The following KCNQ1 variants were observed in gnomAD, a reference collection of about 807,000 sequenced individuals.
KCNQ1 encodes the protein potassium voltage-gated channel subfamily KQT member 1.
A neutral mutation model predicts 72.4 loss-of-function variants in KCNQ1; 49 were observed. The observed-to-expected ratio is 0.68, with a 90% CI of 0.54 to 0.86. The LOEUF is 0.86. KCNQ1 is among the 40% of genes least tolerant of loss of function. The pLI is 0.00. For synonymous variants in KCNQ1, 450 were observed against 412.6 expected, an observed-to-expected ratio of 1.09 and a Z score of -1.10; for missense variants, 790 against 945.1, an observed-to-expected ratio of 0.84 and a Z score of 2.15.
At chr11:2,469,362 C>T (rs990070801) in intron 1 of KCNQ1, among the ~76,000 whole-genome samples, 1 of 152,016 alleles carries the variant, frequency 6.6e-6, no homozygotes, top group African/African-American at 2.4e-5. Flanking sequence ...CAACCTCTGC[C>T]TCCCGGGTTC....
In KCNQ1 at chr11:2,537,401, A is replaced by G. The variant is rs2133670049; in HGVS notation, c.477+9383A>G. On this transcript the variant is annotated intron_variant, in intron 2 of 15. Transcript: ENST00000155840. The surrounding 1 kb of genome is among the most constrained non-coding windows in gnomAD (Gnocchi z 5.2). ...GAAAGAGCAGTTGCTAGGGGCATTT[A>G]AACTTGCAGTCGAATTAGTAACAAT... 6.6e-6 allele frequency among the ~76,000 whole-genome samples: 1 copy of G among 152,270 alleles called. No homozygotes were observed. Among genetic ancestry groups the G allele is most frequent in the Non-Finnish European group, 1.5e-5 (1 of 68,030 alleles).
chr11:2,611,259 GC>G lies in KCNQ1; in HGVS notation c.1393+22408del. ...TTTTGGGATGGAGTCTCACTCTGTT[GC>G]CCAGGCTGGAGTGCAGTGGCGTGAC... On this transcript the variant is annotated intron_variant, in intron 10 of 15. Transcript: ENST00000155840. The surrounding 1 kb of genome is among the most constrained non-coding windows in gnomAD (Gnocchi z 5.3). The G allele has an allele frequency of 7.5e-6, 3 of 397,436 alleles. No individual in the cohort carries two copies. The highest frequency in any genetic ancestry group is 1.3e-5 in the Non-Finnish European group (3 of 225,868). 24.6% of individuals were successfully genotyped at this position (397,436 alleles called of 1,614,324 possible).
rs151216 is a variant in KCNQ1, at chr11:2,659,585, C to T, written c.1394-2376C>T. 0.11 allele frequency: 42,873 copies of T among 398,282 alleles called. 2,453 individuals carry two copies. The highest frequency in any genetic ancestry group is 0.15 in the Middle Eastern group (232 of 1,586). The allele number at this position is 398,282 out of a possible 1,614,324, so 24.7% of individuals were successfully genotyped here. A position where few individuals can be genotyped will look rare whatever the true frequency, so the allele number is the denominator to read the frequency against. On this transcript the variant is annotated intron_variant, in intron 10 of 15. Transcript: ENST00000155840. This position sits in a 1 kb window ranked among gnomAD's most constrained non-coding sequence, Gnocchi z 4.3. ...ATACACATTTATGTACAGGTTTTTGCGAACATAAAAATTCAATTCACTTGG... is the reference window on the plus strand; with the variant it reads ...ATACACATTTATGTACAGGTTTTTGTGAACATAAAAATTCAATTCACTTGG...
At chr11:2,814,933 G>T (rs570011326) in intron 15 of KCNQ1, among the ~76,000 whole-genome samples, 3 of 152,322 alleles carry the variant, frequency 2.0e-5, no homozygotes, top group African/African-American at 4.8e-5. Flanking sequence ...CCTGGCCTGG[G>T]ATCTGGAGAG....
rs577822962 is a variant in KCNQ1, at chr11:2,660,778, C to G, written c.1394-1183C>G. ...GCTGGGGGAGCCTGAATTGCTACAA[C>G]TTCTTGGGAAAGCAATCTAGCAACA... is the stretch of plus-strand genomic sequence containing the variant. On this transcript the variant is annotated intron_variant, in intron 10 of 15. Coordinates refer to ENST00000155840, the MANE Select transcript of KCNQ1 (RefSeq NM_000218.3). 2.0e-5 allele frequency: 8 copies of G among 398,628 alleles called. No individual in the cohort carries two copies. The South Asian group carries it at 7.6e-4, about 38-fold the overall frequency. The allele number at this position is 398,628 out of a possible 1,614,324, so 24.7% of individuals were successfully genotyped here.
intron 10 of KCNQ1, among the ~76,000 whole-genome samples, chr11:2,590,324 C>G (rs1848654356): frequency 1.3e-5 from 2 of 152,244 alleles, no homozygotes; most frequent in Non-Finnish European, 2.9e-5. Flanking sequence ...TGTTCTGATA[C>G]AAAGATGGCA....
chr11:2,502,923 A>C (rs1319378424), intron 1 of KCNQ1, among the ~76,000 whole-genome samples: 1 of 152,230 alleles, frequency 6.6e-6, no homozygotes, highest in Non-Finnish European at 1.5e-5. Context: ...TGCCAAGAAC[A>C]TGCATTGGGA....
chr11:2,506,413 C>T (rs533518466), intron 1 of KCNQ1, among the ~76,000 whole-genome samples: 2 of 152,292 alleles, frequency 1.3e-5, no homozygotes, highest in Admixed American at 1.3e-4. Context: ...CCACCCCATA[C>T]TTTATGGTTG....
intron 10 of KCNQ1, chr11:2,660,393 T>C (rs952880673): frequency 2.0e-5 from 8 of 398,460 alleles, no homozygotes; most frequent in African/African-American, 1.6e-4. Context: ...CCTTCCTTTT[T>C]TATAAAGCAA....
At position 2,537,600 on chromosome 11, in the gene KCNQ1, C is replaced by T. The variant is rs751918163; in HGVS notation, c.477+9582C>T. 3.3e-5 allele frequency among the ~76,000 whole-genome samples: 5 copies of T among 152,068 alleles called. No individual in the cohort carries two copies. The highest frequency in any genetic ancestry group is 1.5e-5 in the Non-Finnish European group (1 of 68,042). On this transcript the variant is annotated intron_variant, in intron 2 of 15. Coordinates refer to ENST00000155840, the MANE Select transcript of KCNQ1 (RefSeq NM_000218.3). This position sits in a 1 kb window ranked among gnomAD's most constrained non-coding sequence, Gnocchi z 5.2. ...CTCAGGCTTGTCAGAACGAGCAGCT[C>T]CCAGGCACCCTCTGCCAGGTCAGCA...
At chr11:2,635,333 T>C (rs1427550619) in intron 10 of KCNQ1, 1 of 152,204 alleles carries the variant, frequency 6.6e-6, no homozygotes, top group African/African-American at 2.4e-5. Flanking sequence ...TGTAAGTCTT[T>C]AATCCATCTT....
At chr11:2,747,144 C>T (rs914656901) in intron 11 of KCNQ1, among the ~76,000 whole-genome samples, 1 of 152,198 alleles carries the variant, frequency 6.6e-6, no homozygotes, top group African/African-American at 2.4e-5. Context: ...ATTAGTCTGG[C>T]ATTGAGCCCG....
intron 11 of KCNQ1, chr11:2,696,181 C>T (rs900238421): frequency 7.0e-5 from 28 of 398,470 alleles, no homozygotes; most frequent in Non-Finnish European, 1.0e-4. Flanking sequence ...TTTAAGAACC[C>T]CACGGCCACC....
chr11:2,695,044 T>C lies in KCNQ1; in HGVS notation c.1514+32963T>C. On this transcript the variant is annotated intron_variant, in intron 11 of 15. Coordinates refer to ENST00000155840, the MANE Select transcript of KCNQ1 (RefSeq NM_000218.3). This position sits in a 1 kb window ranked among gnomAD's most constrained non-coding sequence, Gnocchi z 5.2. ...TCAGAGAGGTAAGCAGGGCAGATCT[T>C]GTAAAAACCTGATGGAATTTGAATT... is the stretch of plus-strand genomic sequence containing the variant. 2.5e-6 allele frequency: 1 copy of C among 398,612 alleles called. No homozygotes were observed. The highest frequency in any genetic ancestry group is 4.4e-6 in the Non-Finnish European group (1 of 226,074). The allele number at this position is 398,612 out of a possible 1,614,324, so 24.7% of individuals were successfully genotyped here.
chr11:2,608,769 G>A lies in KCNQ1; in HGVS notation c.1393+19915G>A, dbSNP rs1848925336. Reference sequence around the variant, plus strand: ...CTCCCAAAGTGCTGGGATTACAGGTGTGAGCCACTGCAGCTAGCCTCGTTT... The same window carrying A: ...CTCCCAAAGTGCTGGGATTACAGGTATGAGCCACTGCAGCTAGCCTCGTTT... On this transcript the variant is annotated intron_variant, in intron 10 of 15. Coordinates refer to ENST00000155840, the MANE Select transcript of KCNQ1 (RefSeq NM_000218.3). This position sits in a 1 kb window ranked among gnomAD's most constrained non-coding sequence, Gnocchi z 4.6. 2 of 398,632 alleles carry A rather than the reference G, an allele frequency of 5.0e-6. No homozygotes were observed. Among genetic ancestry groups the A allele is most frequent in the Admixed American group, 4.4e-5 (1 of 22,728 alleles). The allele number at this position is 398,632 out of a possible 1,614,324, so 24.7% of individuals were successfully genotyped here.
chr11:2,524,227 C>G (rs1384350440), intron 1 of KCNQ1, among the ~76,000 whole-genome samples: 1 of 152,142 alleles, frequency 6.6e-6, no homozygotes, highest in African/African-American at 2.4e-5. Flanking sequence ...CTCACCGCAG[C>G]CCTATCCCTG....
chr11:2,627,580 T>G lies in KCNQ1; in HGVS notation c.1394-34381T>G, dbSNP rs950369517. On this transcript the variant is annotated intron_variant, in intron 10 of 15. Coordinates refer to ENST00000155840, the MANE Select transcript of KCNQ1 (RefSeq NM_000218.3). The surrounding 1 kb of genome is among the most constrained non-coding windows in gnomAD (Gnocchi z 4.9). The stretch of plus-strand genomic sequence containing the variant: ...GTCTTTCTGTGTCTGGCTATTTCAC[T>G]TAGCATAATATCCTCCAGGTTCATC... The G allele has an allele frequency of 2.8e-5, 11 of 398,494 alleles. No individual in the cohort carries two copies. The highest frequency in any genetic ancestry group is 4.9e-5 in the Non-Finnish European group (11 of 226,082). The allele number at this position is 398,494 out of a possible 1,614,324, so 24.7% of individuals were successfully genotyped here.
At chr11:2,839,258 A>C (rs1463471690) in intron 15 of KCNQ1, among the ~76,000 whole-genome samples, 1 of 152,178 alleles carries the variant, frequency 6.6e-6, no homozygotes, top group African/African-American at 2.4e-5. Context: ...CCAAGGGAAG[A>C]GGGCAAAGGG....
chr11:2,550,480 C>T lies in KCNQ1; in HGVS notation c.478-20148C>T, dbSNP rs1044639374. On this transcript the variant is annotated intron_variant, in intron 2 of 15. Transcript: ENST00000155840. This position sits in a 1 kb window ranked among gnomAD's most constrained non-coding sequence, Gnocchi z 6.0. ...CCTAGGCAGCTCCATGCGCGGGCCC[C>T]GGAGCTGGAAAGCAGCCAAGGGCAC... 5.3e-5 allele frequency among the ~76,000 whole-genome samples: 8 copies of T among 152,190 alleles called. No homozygotes were observed. The East Asian group carries it at 5.8e-4, about 11-fold the overall frequency.
Sources: gnomAD v4.1 joint callset for allele counts (sites outside exome capture counted in the v4.1 genomes callset) on GRCh38, gnomAD v4.1.1 for gene constraint, Gnocchi (gnomAD v3.1) non-coding constraint, MANE v1.5 for transcripts, NCBI Gene and HGNC (gene_info 2026-07-23, HGNC 2026-07-21) for gene names.